ZZEF1: variants seen among roughly 807,000 people sequenced by gnomAD.
ZZEF1 encodes zinc finger ZZ-type and EF-hand domain containing 1.
A neutral mutation model predicts 342.8 loss-of-function variants in ZZEF1; 157 were observed. The observed-to-expected ratio is 0.46, with a 90% CI of 0.40 to 0.52. The LOEUF (loss-of-function observed/expected upper bound fraction) is 0.52, where lower values mean the gene tolerates loss of function less well. Among genes scored for constraint, ZZEF1 ranks in the 20% least tolerant of loss-of-function variants. The probability of loss-of-function intolerance (pLI) is 0.00; values close to 1 mark genes in which losing one functional copy is unlikely to be tolerated. For missense variants in ZZEF1, 3,480 were observed against 3,725.6 expected, an observed-to-expected ratio of 0.93 and a Z score of 1.72; for synonymous variants, 1,505 against 1,429.1, an observed-to-expected ratio of 1.05 and a Z score of -1.20.
chr17:4,092,375 T>A (rs1156821783), intron 11 of ZZEF1, among the ~76,000 whole-genome samples: 14 of 144,574 alleles, frequency 9.7e-5, no homozygotes, highest in Non-Finnish European at 1.5e-5. Context: ...CTTGGCTCAC[T>A]GCAACCTCCA....
intron 5 of ZZEF1, among the ~76,000 whole-genome samples, chr17:4,111,661 A>AAAAAAAAAAAAAAAAG (rs150016203): frequency 3.6e-5 from 5 of 139,026 alleles, no homozygotes; most frequent in African/African-American, 1.1e-4. Context: ...TCTGTCTCAA[A>AAAAAAAAAAAAAAAAG]AAAAAAATAT....
At chr17:4,111,824 A>G (rs1456845209) in intron 5 of ZZEF1, among the ~76,000 whole-genome samples, 1 of 146,084 alleles carries the variant, frequency 6.8e-6, no homozygotes, top group Admixed American at 6.9e-5. Flanking sequence ...CATAAAGGCC[A>G]GGAGTTTGAG....
At chr17:4,033,687 TTA>T in intron 40 of ZZEF1, 1 of 304,102 alleles carries the variant, frequency 3.3e-6, no homozygotes. Context: ...GGTGTTGTGG[TTA>T]TGTTACTTTT....
rs1311528013 is a variant in ZZEF1, at chr17:4,062,735, C to A, written c.4883+18G>T. The A allele has an allele frequency of 2.5e-6, 4 of 1,581,460 alleles. No homozygotes were observed. Among genetic ancestry groups the A allele is most frequent in the Non-Finnish European group, 3.4e-6 (4 of 1,162,578 alleles). ...TGATCTTTGCTGTTTTCCTTCTGGA[C>A]CTGTCCTTTGTACTTACTTGGTAAA... is the stretch of plus-strand genomic sequence containing the variant. On this transcript the variant is annotated intron_variant, in intron 30 of 54. Coordinates refer to ENST00000381638, the MANE Select transcript of ZZEF1 (RefSeq NM_015113.4).
intron 28 of ZZEF1, among the ~76,000 whole-genome samples, chr17:4,065,570 T>C (rs1260112751): frequency 6.6e-6 from 1 of 152,122 alleles, no homozygotes. Flanking sequence ...AACATGTATA[T>C]AGAGAAAATA....
At chr17:4,106,644 C>T (rs1346100570) in intron 6 of ZZEF1, among the ~76,000 whole-genome samples, 3 of 152,098 alleles carry the variant, frequency 2.0e-5, no homozygotes, top group Non-Finnish European at 2.9e-5. Flanking sequence ...TTTAGTGTTT[C>T]CCTTTTCTTG....
rs200882398 is a variant in ZZEF1 at position 4,022,698 on chromosome 17, T to C, written c.7212+11A>G. The C allele has an allele frequency of 5.5e-5, 88 of 1,613,684 alleles. No individual in the cohort carries two copies. The Admixed American group carries it at 5.7e-4, about 10-fold the overall frequency. Reference sequence around the variant, plus strand: ...CAGGAAAGAGGAGCAGGAGTCCCTCTCGTCTCTTACTTCCAGGTCCCGGAG... The same window carrying C: ...CAGGAAAGAGGAGCAGGAGTCCCTCCCGTCTCTTACTTCCAGGTCCCGGAG... On this transcript the variant is annotated intron_variant, in intron 44 of 54. Coordinates refer to ENST00000381638, the MANE Select transcript of ZZEF1 (RefSeq NM_015113.4).
chr17:4,093,431 T>A (rs1482507617), intron 11 of ZZEF1, among the ~76,000 whole-genome samples: 1 of 152,264 alleles, frequency 6.6e-6, no homozygotes, highest in Non-Finnish European at 1.5e-5. Context: ...AAGTGCCTGA[T>A]ACGTGGTGAG....
chr17:4,017,397 G>A lies in ZZEF1; in HGVS notation c.7975C>T (p.Leu2659=). The A allele has an allele frequency of 6.2e-7, 1 of 1,600,644 alleles. No individual in the cohort carries two copies. Among genetic ancestry groups the A allele is most frequent in the Non-Finnish European group, 8.6e-7 (1 of 1,169,466 alleles). Residue 2659 remains leucine (L), a synonymous_variant, in exon 48 of 55, where the codon CTG becomes TTG. Coordinates refer to ENST00000381638, the MANE Select transcript of ZZEF1 (RefSeq NM_015113.4). This position sits in a 1 kb window ranked among gnomAD's most constrained non-coding sequence, Gnocchi z 5.1. The part of the protein sequence containing the change: ...MTYILDMFMQ[L]EEKHEWEKIL... ...TTCTCCCACTCATGCTTTTCTTCCAGCTGCATGAACATATCCAAAATGTAG... is the reference window on the plus strand; with the variant it reads ...TTCTCCCACTCATGCTTTTCTTCCAACTGCATGAACATATCCAAAATGTAG...
chr17:4,063,148 T>C (rs1034879977), intron 29 of ZZEF1, among the ~76,000 whole-genome samples: 26 of 152,244 alleles, frequency 1.7e-4, no homozygotes, highest in South Asian at 2.1e-4. Flanking sequence ...CAACCCATTA[T>C]TTAACTTAAC....
chr17:4,067,195 A>C lies in ZZEF1; in HGVS notation c.4123T>G (p.Tyr1375Asp), dbSNP rs1567810613. ...ATTCGAATCCCATCTGCCAAGGAAT[A>C]AACCTGGGCAAACTCTTCACTCAGG... is the stretch of plus-strand genomic sequence containing the variant. ...IALSEEFAQV[Y>D]SLADGIRIWM... Residue 1375 changes from tyrosine (Y) to aspartate (D), a missense_variant, in exon 27 of 55, where the codon TAT becomes GAT. Around this residue, in one of 5 missense-constraint regions of ZZEF1, gnomAD observed 1,528 missense variants for 1,624.1 expected, o/e 0.94. Transcript: ENST00000381638. 1.9e-6 allele frequency: 3 copies of C among 1,613,470 alleles called. No homozygotes were observed. The East Asian group carries it at 6.7e-5, about 36-fold the overall frequency.
At chr17:4,094,660 A>G (rs1302822018) in intron 11 of ZZEF1, among the ~76,000 whole-genome samples, 2 of 152,186 alleles carry the variant, frequency 1.3e-5, no homozygotes, top group African/African-American at 4.8e-5. Flanking sequence ...CCAGAGTAAG[A>G]AAGGCACTAC....
chr17:4,018,925 T>C (rs904841643), intron 46 of ZZEF1, among the ~76,000 whole-genome samples: 2 of 148,016 alleles, frequency 1.4e-5, no homozygotes, highest in African/African-American at 5.3e-5. Context: ...AACGCTGGGA[T>C]TGCTGGGTCC....
At chr17:4,053,818 G>A (rs891461183) in intron 34 of ZZEF1, among the ~76,000 whole-genome samples, 31 of 152,282 alleles carry the variant, frequency 2.0e-4, no homozygotes, top group Admixed American at 1.6e-3. Flanking sequence ...CACTGGTCCC[G>A]AGTGTTTATT....
At chr17:4,072,134 G>A (rs2057521831) in intron 25 of ZZEF1, among the ~76,000 whole-genome samples, 1 of 152,028 alleles carries the variant, frequency 6.6e-6, no homozygotes, top group African/African-American at 2.4e-5. Flanking sequence ...AATAACGTGG[G>A]GCAGGGCAGG....
At chr17:4,062,272 T>C (rs1397284842) in intron 30 of ZZEF1, among the ~76,000 whole-genome samples, 2 of 151,960 alleles carry the variant, frequency 1.3e-5, no homozygotes, top group African/African-American at 2.4e-5. Flanking sequence ...CACTATCTGG[T>C]ATTTTTTCAT....
intron 42 of ZZEF1, among the ~76,000 whole-genome samples, chr17:4,025,393 T>C (rs372986140): frequency 1.3e-5 from 2 of 152,086 alleles, no homozygotes; most frequent in East Asian, 1.9e-4. Flanking sequence ...TTCTTAAAGA[T>C]AGCATATATG....
chr17:4,007,411 A>T (rs1209319566), intron 54 of ZZEF1, among the ~76,000 whole-genome samples: 1 of 152,188 alleles, frequency 6.6e-6, no homozygotes, highest in Non-Finnish European at 1.5e-5. Context: ...TCTGGGCAGC[A>T]AGAGGGTGGA....
At chr17:4,078,974 G>A (rs1483932705) in intron 18 of ZZEF1, among the ~76,000 whole-genome samples, 1 of 152,208 alleles carries the variant, frequency 6.6e-6, no homozygotes, top group African/African-American at 2.4e-5. Flanking sequence ...ATTAATAGCT[G>A]CATCTCTAGC....
Sources: allele counts gnomAD v4.1 joint callset (sites outside exome capture counted in the v4.1 genomes callset), GRCh38; gene constraint gnomAD v4.1.1; regional missense constraint gnomAD v4.1.1; non-coding constraint Gnocchi (gnomAD v3.1); transcripts MANE v1.5; gene names NCBI Gene and HGNC (gene_info 2026-07-23, HGNC 2026-07-21).